Variants in CARD10 observed in about 807,000 individuals in gnomAD.
CARD10 encodes the protein caspase recruitment domain-containing protein 10.
CARD10 carries 49 observed loss-of-function variants against 114.6 expected under a neutral mutation model. That is an observed-to-expected ratio of 0.43 (90% confidence interval 0.34 to 0.54). The LOEUF is 0.54. Ranked by LOEUF, CARD10 falls within the 20% of genes least tolerant of loss-of-function variation. The pLI is 0.03. For synonymous variants in CARD10, 602 were observed against 593.2 expected (o/e 1.01, Z -0.21); for missense variants, 1,206 against 1,397.2 (o/e 0.86, Z 2.18).
intron 4 of CARD10, 129 bp from the exon 5 acceptor site, chr22:37,508,811 C>T: frequency 8.1e-7 from 1 of 1,237,580 alleles, no homozygotes. Context: ...TGGCCCGGGG[C>T]CTCGACCCTC....
In CARD10 at chr22:37,490,925, C is replaced by T; in HGVS notation, c.*234G>A. On this transcript the variant is annotated 3_prime_UTR_variant, in exon 20 of 20. Transcript: ENST00000251973. ...CCCACTAGTGGGAATGTGGAGACCC[C>T]AGGAAAGGTGGGGAGGCCCAGAGCA... 7.0e-6 allele frequency: 4 copies of T among 571,658 alleles called. No homozygotes were observed. Among genetic ancestry groups the T allele is most frequent in the Non-Finnish European group, 1.3e-5 (4 of 319,818 alleles). The allele number at this position is 571,658 out of a possible 1,614,324, so 35.4% of individuals were successfully genotyped here.
rs939234377 is a variant in CARD10 at position 37,496,325 on chromosome 22, CA to C, written c.2059+123del. 1 of 696,580 alleles carries C rather than the reference CA, an allele frequency of 1.4e-6. No homozygotes were observed. Among genetic ancestry groups the C allele is most frequent in the Admixed American group, 2.9e-5 (1 of 35,016 alleles). 43.1% of individuals were successfully genotyped at this position (696,580 alleles called of 1,614,324 possible). A position where few individuals can be genotyped will look rare whatever the true frequency, so the allele number is the denominator to read the frequency against. ...AAGGAGGCATCAGCAGGCGGGGAGC[CA>C]GGAGAAGGGCAATTGGGGCAAGGCT... is the stretch of plus-strand genomic sequence containing the variant. On this transcript the variant is annotated intron_variant, in intron 13 of 19. Coordinates refer to ENST00000251973, the MANE Select transcript of CARD10 (RefSeq NM_014550.4). This position sits in a 1 kb window ranked among gnomAD's most constrained non-coding sequence, Gnocchi z 4.1.
chr22:37,499,776 C>A (rs1279228905), intron 11 of CARD10, among the ~76,000 whole-genome samples: 1 of 152,118 alleles, frequency 6.6e-6, no homozygotes, highest in Non-Finnish European at 1.5e-5. Flanking sequence ...TTGCCCAGAG[C>A]AGGGTCCAGA....
At position 37,510,249 on chromosome 22, in the gene CARD10, G is replaced by A. The variant is rs769625750; in HGVS notation, c.872C>T (p.Thr291Met). 1.6e-5 allele frequency: 26 copies of A among 1,602,432 alleles called. No individual in the cohort carries two copies. Among genetic ancestry groups the A allele is most frequent in the Non-Finnish European group, 1.9e-5 (22 of 1,179,820 alleles). The change falls in exon 4 of 20, where the codon ACG becomes ATG. Residue 291 changes from threonine to methionine, a missense_variant. By Grantham distance (81) the Thr-to-Met change is moderately conservative (BLOSUM62 -1). Around this residue, in one of 2 missense-constraint regions of CARD10, gnomAD observed 1,068 missense variants for 1,179.1 expected, o/e 0.91. Transcript: ENST00000251973. ...SELRAENQRL[T>M]ASLRELQEGL... is the part of the protein sequence containing the mutation. ...CTCCTGCAACTCCCGCAGTGACGCC[G>A]TCAGCCGCTGGTTCTCAGCACGCAG...
At position 37,496,142 on chromosome 22, in the gene CARD10, A is replaced by T; in HGVS notation, c.2060-139T>A. ...ACCCGACCTTCACCTTCTTAGAATG[A>T]CTTAGGTCCAGAGGGGGCAGGGACT... On this transcript the variant is annotated intron_variant, in intron 13 of 19. Coordinates refer to ENST00000251973, the MANE Select transcript of CARD10 (RefSeq NM_014550.4). This position sits in a 1 kb window ranked among gnomAD's most constrained non-coding sequence, Gnocchi z 4.1. 8.7e-7 allele frequency: 1 copy of T among 1,143,030 alleles called. No individual in the cohort carries two copies. Among genetic ancestry groups the T allele is most frequent in the Non-Finnish European group, 1.2e-6 (1 of 822,758 alleles). The allele number at this position is 1,143,030 out of a possible 1,614,324, so 70.8% of individuals were successfully genotyped here. A position where few individuals can be genotyped will look rare whatever the true frequency, so the allele number is the denominator to read the frequency against.
At chr22:37,511,421 G>A (rs9607465) in intron 3 of CARD10, among the ~76,000 whole-genome samples, 20,156 of 126,164 alleles carry the variant, frequency 0.16, 3,159 homozygotes, top group African/African-American at 0.41. Flanking sequence ...GGGAGGAGGA[G>A]GGAGGGGGAA....
chr22:37,492,461 G>C lies in CARD10; in HGVS notation c.2725C>G (p.Arg909Gly), dbSNP rs374847054. 1.3e-6 allele frequency: 2 copies of C among 1,592,276 alleles called. No individual in the cohort carries two copies. Among genetic ancestry groups the C allele is most frequent in the Non-Finnish European group, 1.7e-6 (2 of 1,167,784 alleles). Residue 909 changes from arginine to glycine, a missense_variant, in exon 18 of 20, where the codon CGG becomes GGG. Around this residue, in one of 2 missense-constraint regions of CARD10, gnomAD observed 1,068 missense variants for 1,179.1 expected, o/e 0.91. Transcript: ENST00000251973. The surrounding 1 kb of genome is among the most constrained non-coding windows in gnomAD (Gnocchi z 5.7). ...TTCCCAACAGACTCCTGGATGGCCC[G>C]GATCCTGCTGCCTAGCCCAGGGGTG... ...PATPGLGSRI[R>G]AIQESVGKKH...
chr22:37,504,244 G>A lies in CARD10; in HGVS notation c.1576C>T (p.Pro526Ser). 6.3e-7 allele frequency: 1 copy of A among 1,581,354 alleles called. No individual in the cohort carries two copies. Among genetic ancestry groups the A allele is most frequent in the Non-Finnish European group, 8.6e-7 (1 of 1,162,980 alleles). Residue 526 changes from proline (P) to serine (S), a missense_variant, in exon 9 of 20, where the codon CCC becomes TCC. Pro to Ser is a moderately conservative substitution (Grantham distance 74). Transcript: ENST00000251973. ...CGGCGGAGGATGGAGCCGGCACTGG[G>A]GGGGAAGGGCAGGATGGAGAGCCGA... Reference protein sequence around the residue: ...INRLSILPFPPSAGSILRRQR... With the variant: ...INRLSILPFPSSAGSILRRQR...
rs147151809 is a variant in CARD10 at position 37,516,007 on chromosome 22, G to A, written c.665C>T (p.Ser222Leu). The A allele has an allele frequency of 8.1e-5, 129 of 1,597,932 alleles. No homozygotes were observed. Among genetic ancestry groups the A allele is most frequent in the Admixed American group, 1.0e-4 (6 of 58,556 alleles). The change falls in exon 3 of 20, where the codon TCG (serine) becomes TTG (leucine). Residue 222 changes from serine (S) to leucine (L), a missense_variant. By Grantham distance (145) the Ser-to-Leu change is moderately radical. Around this residue, in one of 2 missense-constraint regions of CARD10, gnomAD observed 1,068 missense variants for 1,179.1 expected, o/e 0.91. Coordinates refer to ENST00000251973, the MANE Select transcript of CARD10 (RefSeq NM_014550.4). Reference protein sequence around the residue: ...RLAQLSEEKNSAVLRSRDLQL... With the variant: ...RLAQLSEEKNLAVLRSRDLQL... ...CAGGTCACGGCTGCGAAGTACAGCCGAGTTCTTCTCCTCACTGAGCTGTGC... is the reference window on the plus strand; with the variant it reads ...CAGGTCACGGCTGCGAAGTACAGCCAAGTTCTTCTCCTCACTGAGCTGTGC...
At position 37,495,805 on chromosome 22, in the gene CARD10, AG is replaced by A; in HGVS notation, c.2257del (p.Leu753SerfsTer21). On this transcript the variant is annotated frameshift_variant, in exon 14 of 20. Coordinates refer to ENST00000251973, the MANE Select transcript of CARD10 (RefSeq NM_014550.4). LOFTEE classifies it high-confidence loss of function. ...QEWFCTRVDP[L>X]TLRDLDRGTV... ...GCCCCGGTCCAGGTCCCGCAGAGTG[AG>A]GGGGTCAACCCGGGTGCAGAACCAT... is the stretch of plus-strand genomic sequence containing the variant. 1 of 1,614,014 alleles carries A rather than the reference AG, an allele frequency of 6.2e-7. No individual in the cohort carries two copies. Among genetic ancestry groups the A allele is most frequent in the Non-Finnish European group, 8.5e-7 (1 of 1,180,030 alleles).
rs1923403588 is a variant in CARD10, at chr22:37,506,248, T to A, written c.1327A>T (p.Thr443Ser). 6.2e-7 allele frequency: 1 copy of A among 1,607,734 alleles called. No individual in the cohort carries two copies. Among genetic ancestry groups the A allele is most frequent in the Non-Finnish European group, 8.5e-7 (1 of 1,176,866 alleles). Residue 443 changes from threonine to serine, a missense_variant, in exon 7 of 20, where the codon ACC (threonine) becomes TCC (serine). By Grantham distance (58) the Thr-to-Ser change is moderately conservative (BLOSUM62 1). Coordinates refer to ENST00000251973, the MANE Select transcript of CARD10 (RefSeq NM_014550.4). ...LLTTLTSLEGTKALLEVQLQR... is the reference protein window; with the variant it reads ...LLTTLTSLEGSKALLEVQLQR... ...AGCTGAACCTCCAGCAGAGCCTTGG[T>A]GCCCTCCAGGCTGGTGAGCGTTGTC...
intron 3 of CARD10, among the ~76,000 whole-genome samples, chr22:37,511,081 C>CAAAAAA: frequency 1.1e-5 from 1 of 92,074 alleles, no homozygotes; most frequent in Non-Finnish European, 2.3e-5. Flanking sequence ...GACTCTGTCT[C>CAAAAAA]AAAAAAAAAA....
In CARD10 at chr22:37,510,205, C is replaced by T; in HGVS notation, c.909+7G>A. 1 of 1,599,408 alleles carries T rather than the reference C, an allele frequency of 6.3e-7. No homozygotes were observed. Among genetic ancestry groups the T allele is most frequent in the African/African-American group, 1.3e-5 (1 of 75,018 alleles). The stretch of plus-strand genomic sequence containing the variant: ...CAGCCTGTGCCCACAAGCCCTGGCC[C>T]TGGTACCTGCTGCAGGCCCTCCTGC... On this transcript the variant is annotated splice_region_variant and intron_variant, in intron 4 of 19. Transcript: ENST00000251973.
At chr22:37,504,434 T>C (rs771108648) in intron 8 of CARD10, 133 bp from the exon 9 acceptor site, 2 of 1,065,762 alleles carry the variant, frequency 1.9e-6, no homozygotes, top group Non-Finnish European at 2.6e-6. Flanking sequence ...TGCAAGATTA[T>C]AGTGTGCGGG....
chr22:37,517,829 G>A (rs55801579), intron 2 of CARD10, 142 bp downstream of exon 2: 6 of 1,122,788 alleles, frequency 5.3e-6, no homozygotes, highest in Non-Finnish European at 7.4e-6. Flanking sequence ...GTGGGGCCCT[G>A]GGCAAGCCCC....
chr22:37,498,482 C>T (rs1923088929), intron 11 of CARD10, among the ~76,000 whole-genome samples: 1 of 152,170 alleles, frequency 6.6e-6, no homozygotes, highest in South Asian at 2.1e-4. Context: ...GGCAGCGGGG[C>T]GAAGCATCTC....
At chr22:37,513,319 C>T (rs993907386) in intron 3 of CARD10, among the ~76,000 whole-genome samples, 16 of 152,066 alleles carry the variant, frequency 1.1e-4, no homozygotes, top group African/African-American at 2.7e-4. Context: ...ACCACGTTAG[C>T]CGGGATGGTC....
chr22:37,509,688 T>C (rs1923552652), intron 4 of CARD10, among the ~76,000 whole-genome samples: 1 of 133,804 alleles, frequency 7.5e-6, no homozygotes, highest in Non-Finnish European at 1.6e-5. Context: ...CTGCAGGCCC[T>C]CCTGACCCCC....
Position 37,491,130 on chromosome 22 carries a change from G to T in CARD10, c.*29C>A. ...TAGACACCAGGGTCCACGCTGGCTT[G>T]GGGAGAAGGTGCAGGTATCAGATGA... On this transcript the variant is annotated 3_prime_UTR_variant, in exon 20 of 20. Coordinates refer to ENST00000251973, the MANE Select transcript of CARD10 (RefSeq NM_014550.4). The T allele has an allele frequency of 6.6e-7, 1 of 1,509,814 alleles. No individual in the cohort carries two copies. Among genetic ancestry groups the T allele is most frequent in the Non-Finnish European group, 9.0e-7 (1 of 1,113,538 alleles). 93.5% of individuals were successfully genotyped at this position (1,509,814 alleles called of 1,614,324 possible). A position where few individuals can be genotyped will look rare whatever the true frequency, so the allele number is the denominator to read the frequency against.
Sources: allele counts gnomAD v4.1 joint callset (sites outside exome capture counted in the v4.1 genomes callset), GRCh38; gene constraint gnomAD v4.1.1; regional missense constraint gnomAD v4.1.1; non-coding constraint Gnocchi (gnomAD v3.1); transcripts MANE v1.5; gene names NCBI Gene and HGNC (gene_info 2026-07-23, HGNC 2026-07-21).